The following HERC3 variants were observed in gnomAD, a reference collection of about 807,000 sequenced individuals.
The protein encoded by HERC3 is probable E3 ubiquitin-protein ligase HERC3.
In HERC3, 58 loss-of-function variants were observed where a neutral mutation model predicts 129.9. The observed-to-expected ratio is 0.45, with a 90% CI of 0.36 to 0.56. The LOEUF is 0.56. Ranked by LOEUF, HERC3 falls within the 20% of genes least tolerant of loss-of-function variation. HERC3 has a pLI of 0.00. For missense variants in HERC3, 835 were observed against 1,244.2 expected, an observed-to-expected ratio of 0.67 and a Z score of 4.95; for synonymous variants, 430 against 451.0, an observed-to-expected ratio of 0.95 and a Z score of 0.59.
intron 3 of HERC3, among the ~76,000 whole-genome samples, chr4:88,606,981 T>A (rs762435428): frequency 1.3e-5 from 2 of 152,246 alleles, no homozygotes; most frequent in African/African-American, 4.8e-5. Context: ...AACATGCTCT[T>A]ACATGTTTTG....
At chr4:88,528,985 GAATA>G in the HERC3 span, among the ~76,000 whole-genome samples, 1 of 152,036 alleles carries the variant, frequency 6.6e-6, no homozygotes, top group Admixed American at 6.5e-5. Context: ...ATGAATAAAT[GAATA>G]AAGTATTAAT....
At chr4:88,560,904 G>A in the HERC3 span, among the ~76,000 whole-genome samples, 1 of 152,062 alleles carries the variant, frequency 6.6e-6, no homozygotes, top group Non-Finnish European at 1.5e-5. Context: ...TATATGCTTG[G>A]ATGTATTTCT....
chr4:88,692,531 A>T (rs968295998), intron 23 of HERC3, among the ~76,000 whole-genome samples: 1 of 152,204 alleles, frequency 6.6e-6, no homozygotes, highest in African/African-American at 2.4e-5. Flanking sequence ...CCGCTGGCAG[A>T]CTTCAGTTGA....
the HERC3 span, among the ~76,000 whole-genome samples, chr4:88,564,512 G>C: frequency 6.6e-6 from 1 of 152,102 alleles, no homozygotes. Context: ...TTGGTAGGTT[G>C]TATTTGTCCA....
At chr4:88,548,544 G>T in the HERC3 span, among the ~76,000 whole-genome samples, 1 of 151,518 alleles carries the variant, frequency 6.6e-6, no homozygotes, top group Non-Finnish European at 1.5e-5. Flanking sequence ...TTTTCAATTG[G>T]GTTGTCTTTT....
At chr4:88,592,862 A>T (rs1578124950) in intron 1 of HERC3, among the ~76,000 whole-genome samples, 1 of 151,950 alleles carries the variant, frequency 6.6e-6, no homozygotes, top group East Asian at 2.0e-4. Flanking sequence ...AAGGCGAGAC[A>T]AGCCTTCAAA....
intron 2 of HERC3, among the ~76,000 whole-genome samples, chr4:88,598,274 G>A (rs1722609499): frequency 6.6e-6 from 1 of 152,120 alleles, no homozygotes; most frequent in African/African-American, 2.4e-5. Context: ...GAAGGTTGTC[G>A]TTTAGCATTC....
the HERC3 span, among the ~76,000 whole-genome samples, chr4:88,569,762 G>C: frequency 1.3e-5 from 2 of 152,184 alleles, no homozygotes; most frequent in African/African-American, 4.8e-5. Context: ...ATTTGGCTGG[G>C]AGGATTTCCG....
chr4:88,684,586 C>G (rs898932174), intron 21 of HERC3, among the ~76,000 whole-genome samples: 2 of 152,048 alleles, frequency 1.3e-5, no homozygotes, highest in African/African-American at 4.8e-5. Context: ...GTCTAAAACA[C>G]CAAAAGCAAG....
intron 3 of HERC3, among the ~76,000 whole-genome samples, chr4:88,611,619 G>A (rs1420021707): frequency 2.0e-5 from 3 of 152,216 alleles, no homozygotes; most frequent in Non-Finnish European, 4.4e-5. Context: ...GGCTTTGAGA[G>A]TGTGAAGAAG....
At chr4:88,637,443 A>AAAC (rs2149251268) in intron 3 of HERC3, among the ~76,000 whole-genome samples, 1 of 152,156 alleles carries the variant, frequency 6.6e-6, no homozygotes, top group South Asian at 2.1e-4. Flanking sequence ...ACAAACAAAC[A>AAAC]AAAAGCCACA....
the HERC3 span, among the ~76,000 whole-genome samples, chr4:88,540,473 G>A: frequency 0.14 from 21,131 of 152,198 alleles, 1,753 homozygotes; most frequent in Admixed American, 0.23. Flanking sequence ...CGTTTGACTG[G>A]TGTACCTGAA....
At chr4:88,633,639 A>G (rs1727017556) in intron 3 of HERC3, among the ~76,000 whole-genome samples, 1 of 152,198 alleles carries the variant, frequency 6.6e-6, no homozygotes, top group African/African-American at 2.4e-5. Flanking sequence ...AGGAAATAAA[A>G]CAATAACAAA....
intron 23 of HERC3, chr4:88,690,353 C>T (rs529633658): frequency 1.0e-6 from 1 of 985,250 alleles, no homozygotes; most frequent in Non-Finnish European, 1.2e-6. Flanking sequence ...TTTCCCTTCC[C>T]TCCTGGTTTT....
At chr4:88,670,406 G>A (rs966522111) in intron 16 of HERC3, among the ~76,000 whole-genome samples, 154 bp downstream of exon 16, 1 of 152,156 alleles carries the variant, frequency 6.6e-6, no homozygotes. Flanking sequence ...AGTGCTTTAA[G>A]TAATCATCAA....
At chr4:88,669,677 C>A (rs531461772) in intron 14 of HERC3, among the ~76,000 whole-genome samples, 183 bp from the exon 15 acceptor site, 1 of 152,240 alleles carries the variant, frequency 6.6e-6, no homozygotes, top group South Asian at 2.1e-4. Context: ...TCCAGGGATT[C>A]TTTTACAGCT....
intron 3 of HERC3, 121 bp from the exon 4 acceptor site, chr4:88,649,719 T>A: frequency 1.4e-6 from 1 of 739,492 alleles, no homozygotes; most frequent in East Asian, 2.7e-5. Context: ...TCTCTATAAA[T>A]ATTCAGATTA....
intron 3 of HERC3, among the ~76,000 whole-genome samples, chr4:88,634,433 C>T (rs1727124248): frequency 6.6e-6 from 1 of 152,208 alleles, no homozygotes; most frequent in Admixed American, 6.5e-5. Flanking sequence ...AGCTTCAGGG[C>T]TTCCTTGCAG....
intron 3 of HERC3, among the ~76,000 whole-genome samples, chr4:88,645,644 C>T (rs1415091779): frequency 6.6e-6 from 1 of 152,062 alleles, no homozygotes; most frequent in Non-Finnish European, 1.5e-5. Context: ...GGCTAACAGG[C>T]AGGGAGCATA....
Sources: gnomAD v4.1 joint callset for allele counts (sites outside exome capture counted in the v4.1 genomes callset) on GRCh38, gnomAD v4.1.1 for gene constraint, MANE v1.5 for transcripts, NCBI Gene and HGNC (gene_info 2026-07-23, HGNC 2026-07-21) for gene names.